The following NR4A1 variants were observed in gnomAD, a reference collection of about 807,000 sequenced individuals.
NR4A1 encodes nuclear receptor subfamily 4immunitygroup A member 1.
Under a neutral mutation model 47.5 loss-of-function variants are expected in NR4A1, and 24 were observed. The observed-to-expected ratio is 0.50, with a 90% CI of 0.37 to 0.71. The LOEUF is 0.71. Ranked by LOEUF, NR4A1 falls within the 30% of genes least tolerant of loss-of-function variation. The pLI, the probability that NR4A1 is intolerant of heterozygous loss-of-function variation, is 0.00. For missense variants in NR4A1, 669 were observed against 788.6 expected, an observed-to-expected ratio of 0.85 and a Z score of 1.82; for synonymous variants, 353 against 345.7, an observed-to-expected ratio of 1.02 and a Z score of -0.24.
chr12:52,024,712 AAAAG>A (rs1393283484), intron 1 of NR4A1, among the ~76,000 whole-genome samples: 3 of 152,296 alleles, frequency 2.0e-5, no homozygotes, highest in Non-Finnish European at 2.9e-5. Context: ...GAAGAAGAAG[AAAAG>A]AAAGAAAGAA....
chr12:52,058,044 G>C (rs771225275), intron 6 of NR4A1, among the ~76,000 whole-genome samples: 2 of 151,976 alleles, frequency 1.3e-5, no homozygotes, highest in Admixed American at 1.3e-4. Context: ...AGCTGGTCTC[G>C]AACTCCTGGG....
chr12:52,040,592 C>T (rs929287269), intron 1 of NR4A1, among the ~76,000 whole-genome samples: 1 of 152,194 alleles, frequency 6.6e-6, no homozygotes, highest in African/African-American at 2.4e-5. Context: ...TCTGCCCTCC[C>T]TTCCCTCCTT....
At chr12:52,033,962 G>A (rs1340888403) in intron 1 of NR4A1, among the ~76,000 whole-genome samples, 2 of 152,230 alleles carry the variant, frequency 1.3e-5, no homozygotes, top group African/African-American at 2.4e-5. Flanking sequence ...CAGGATGGAG[G>A]TGGAGTGGAA....
chr12:52,041,919 C>T (rs780184624), exon 2 of NR4A1: 11 of 1,469,826 alleles, frequency 7.5e-6, no homozygotes, highest in Non-Finnish European at 9.0e-6. Context: ...CCTGTTGGTC[C>T]ATCCAGAGTG....
intron 6 of NR4A1, chr12:52,058,451 G>C: frequency 1.8e-6 from 1 of 544,524 alleles, no homozygotes; most frequent in Non-Finnish European, 3.2e-6. Context: ...GTGACCCTGG[G>C]CAAGTCATTA....
At chr12:52,030,333 A>C in intron 1 of NR4A1, among the ~76,000 whole-genome samples, 1 of 152,228 alleles carries the variant, frequency 6.6e-6, no homozygotes, top group Non-Finnish European at 1.5e-5. Flanking sequence ...CAGTGTAAGG[A>C]CTTTGAGGCC....
chr12:52,059,120 T>G lies in NR4A1; in HGVS notation c.*176T>G. On this transcript the variant is annotated 3_prime_UTR_variant, in exon 7 of 7. Transcript: ENST00000394825. ...TCAAGCCCTTGGGGAGGGGGATGCC[T>G]TCATGGGGGTGACCCCACGATTTGT... is the stretch of plus-strand genomic sequence containing the variant. 2 of 774,802 alleles carry G rather than the reference T, an allele frequency of 2.6e-6. No homozygotes were observed. The highest frequency in any genetic ancestry group is 5.5e-5 in the East Asian group (2 of 36,144). The allele number at this position is 774,802 out of a possible 1,614,324, so 48.0% of individuals were successfully genotyped here. A position where few individuals can be genotyped will look rare whatever the true frequency, so the allele number is the denominator to read the frequency against.
intron 1 of NR4A1, among the ~76,000 whole-genome samples, chr12:52,032,474 T>C (rs1278428604): frequency 6.6e-6 from 1 of 152,228 alleles, no homozygotes; most frequent in Non-Finnish European, 1.5e-5. Context: ...AATCTTTTTC[T>C]ATATCTCTGT....
At chr12:52,042,053 G>A in intron 2 of NR4A1, 1 of 1,106,352 alleles carries the variant, frequency 9.0e-7, no homozygotes, top group African/African-American at 1.6e-5. Context: ...CTGGGGAGGT[G>A]GCAGCCGAGG....
At chr12:52,051,377 G>A (rs1024088517), upstream of NR4A1, 5 of 985,296 alleles carry the variant, frequency 5.1e-6, no homozygotes, top group Admixed American at 3.1e-4. Context: ...GCCTGCGTCA[G>A]TGGCGCCCCC....
At chr12:52,030,144 G>C (rs1934760508) in intron 1 of NR4A1, among the ~76,000 whole-genome samples, 1 of 152,224 alleles carries the variant, frequency 6.6e-6, no homozygotes, top group Non-Finnish European at 1.5e-5. Flanking sequence ...TGCTGCTGCA[G>C]GGGCATTTTC....
rs950132119 is a variant in NR4A1, at chr12:52,056,486, C to T, written c.1007-8C>T. Reference sequence around the variant, plus strand: ...CTTCCTTCCTCACCCCTACCCATTCCTTTGCAGTTGTCCGAACAGACAGCC... The same window carrying T: ...CTTCCTTCCTCACCCCTACCCATTCTTTTGCAGTTGTCCGAACAGACAGCC... On this transcript the variant is annotated splice_region_variant and splice_polypyrimidine_tract_variant and intron_variant, in intron 3 of 6. Transcript: ENST00000394825. The T allele has an allele frequency of 1.2e-5, 19 of 1,612,638 alleles. No individual in the cohort carries two copies. Among genetic ancestry groups the T allele is most frequent in the Non-Finnish European group, 1.5e-5 (18 of 1,179,608 alleles).
chr12:52,038,118 G>T (rs941722671), intron 1 of NR4A1: 29 of 950,406 alleles, frequency 3.1e-5, no homozygotes, highest in Admixed American at 1.3e-4. Flanking sequence ...AGGCTGGAGT[G>T]CAGTAGCGTG....
intron 1 of NR4A1, among the ~76,000 whole-genome samples, chr12:52,040,971 A>G (rs1938410125): frequency 6.6e-6 from 1 of 151,986 alleles, no homozygotes; most frequent in African/African-American, 2.4e-5. Flanking sequence ...CCGTGGCTGA[A>G]TGGGGTTGGG....
At chr12:52,044,854 G>C (rs1289573743) in intron 2 of NR4A1, among the ~76,000 whole-genome samples, 1 of 152,156 alleles carries the variant, frequency 6.6e-6, no homozygotes, top group African/African-American at 2.4e-5. Flanking sequence ...TTCAAGGCGT[G>C]GGGCAACCTT....
intron 2 of NR4A1, chr12:52,045,632 G>C (rs1824152226): frequency 1.5e-5 from 6 of 409,062 alleles, no homozygotes; most frequent in Non-Finnish European, 3.0e-5. Flanking sequence ...GAGGACAAGG[G>C]ACTGGCCTCA....
intron 1 of NR4A1, among the ~76,000 whole-genome samples, chr12:52,033,131 C>G (rs1403047494): frequency 6.6e-6 from 1 of 152,220 alleles, no homozygotes; most frequent in Non-Finnish European, 1.5e-5. Flanking sequence ...CCTGCTGCGG[C>G]TCCCTCCGGA....
In NR4A1 at chr12:52,059,231, C is replaced by T. The variant is rs1028550779; in HGVS notation, c.*287C>T. The T allele has an allele frequency of 2.8e-5, 11 of 392,370 alleles. No individual in the cohort carries two copies. Among genetic ancestry groups the T allele is most frequent in the Non-Finnish European group, 4.5e-5 (10 of 220,102 alleles). The allele number at this position is 392,370 out of a possible 1,614,324, so 24.3% of individuals were successfully genotyped here. ...ACATAGCGCCGTGCTGTAAATAAGC[C>T]CAGTGCTGCTGTAAATACAGGAAGA... On this transcript the variant is annotated 3_prime_UTR_variant, in exon 7 of 7. Transcript: ENST00000394825.
Position 52,035,042 on chromosome 12 carries a change from G to C in NR4A1, c.-83-6768G>C, listed in dbSNP as rs546501974. On this transcript the variant is annotated intron_variant, in intron 1 of 7. Transcript: ENST00000360284. ...GTAACTTCCCTGGAGTCATGCAGCTGGTAAGAGGTAGAGCCTCTTGTGGGT... is the reference window on the plus strand; with the variant it reads ...GTAACTTCCCTGGAGTCATGCAGCTCGTAAGAGGTAGAGCCTCTTGTGGGT... Among the ~76,000 whole-genome samples, 8 of 152,348 alleles carry C rather than the reference G, an allele frequency of 5.3e-5. No individual in the cohort carries two copies. The South Asian group carries it at 1.7e-3, about 32-fold the overall frequency.
Sources: allele counts gnomAD v4.1 joint callset (sites outside exome capture counted in the v4.1 genomes callset), GRCh38; gene constraint gnomAD v4.1.1; transcripts MANE v1.5; gene names NCBI Gene and HGNC (gene_info 2026-07-23, HGNC 2026-07-21).